Variants in ADK observed in about 807,000 individuals in gnomAD.
ADK encodes the protein adenosine kinase.
A neutral mutation model predicts 44.7 loss-of-function variants in ADK; 24 were observed. The ratio of observed to expected loss-of-function variants is 0.54; its 90% CI spans 0.39 to 0.76. The LOEUF (loss-of-function observed/expected upper bound fraction) is 0.76, where lower values mean the gene tolerates loss of function less well. Among genes scored for constraint, ADK ranks in the 30% least tolerant of loss-of-function variants. The pLI is 0.00. For missense variants in ADK, 321 were observed against 425.1 expected, an observed-to-expected ratio of 0.76 and a Z score of 2.15; for synonymous variants, 128 against 142.6, an observed-to-expected ratio of 0.90 and a Z score of 0.73.
At chr10:74,600,622 A>G in intron 9 of ADK, 129 bp downstream of exon 9, 1 of 285,512 alleles carries the variant, frequency 3.5e-6, no homozygotes, top group Non-Finnish European at 6.5e-6. Context: ...GAAATATTTT[A>G]TTTTAATAAA....
At chr10:74,567,683 T>G (rs1259180717) in intron 7 of ADK, among the ~76,000 whole-genome samples, 1 of 138,284 alleles carries the variant, frequency 7.2e-6, no homozygotes, top group Non-Finnish European at 1.5e-5. Context: ...CTCTCTCTGT[T>G]TTTTTTGTTT....
At chr10:74,461,571 C>T (rs944472247) in intron 6 of ADK, among the ~76,000 whole-genome samples, 11 of 152,018 alleles carry the variant, frequency 7.2e-5, no homozygotes, top group East Asian at 1.9e-4. Context: ...TTATAACTGA[C>T]GTAGAGCTTT....
intron 6 of ADK, among the ~76,000 whole-genome samples, chr10:74,446,245 G>C (rs1386148021): frequency 6.6e-6 from 1 of 151,938 alleles, no homozygotes; most frequent in African/African-American, 2.4e-5. Flanking sequence ...TGTAACCCTT[G>C]TTTAATTTAC....
At chr10:74,201,923 G>A (rs935938541) in intron 2 of ADK, among the ~76,000 whole-genome samples, 5 of 151,998 alleles carry the variant, frequency 3.3e-5, no homozygotes, top group African/African-American at 1.2e-4. Context: ...TTAAAAAATT[G>A]AGGCAAAATT....
chr10:74,673,747 T>C (rs920819428), intron 10 of ADK, among the ~76,000 whole-genome samples: 1 of 152,018 alleles, frequency 6.6e-6, no homozygotes, highest in Non-Finnish European at 1.5e-5. Context: ...CCAGGATAAA[T>C]GAGGTCACAC....
At chr10:74,334,705 A>G (rs1010535304) in intron 4 of ADK, among the ~76,000 whole-genome samples, 2 of 152,016 alleles carry the variant, frequency 1.3e-5, no homozygotes, top group Non-Finnish European at 2.9e-5. Flanking sequence ...CCAACAACCT[A>G]TGAGTGATTT....
rs556862825 is a variant in ADK at position 74,214,709 on chromosome 10, C to G, written c.141-9829C>G. 2.6e-5 allele frequency among the ~76,000 whole-genome samples: 4 copies of G among 152,328 alleles called. No homozygotes were observed. In the South Asian group the frequency reaches 8.3e-4, roughly 32 times the overall value. ...TTTGTTTCAGTCTCATTAAAAGGCT[C>G]TTATAAAAGTTATGAACATTTAAAA... On this transcript the variant is annotated intron_variant, in intron 2 of 10. Coordinates refer to ENST00000539909, the MANE Select transcript of ADK (RefSeq NM_006721.4).
intron 7 of ADK, among the ~76,000 whole-genome samples, chr10:74,560,372 A>T (rs1057294143): frequency 3.9e-5 from 6 of 152,244 alleles, no homozygotes; most frequent in Non-Finnish European, 8.8e-5. Context: ...TAATTTATGC[A>T]TTCATTCACT....
chr10:74,564,020 T>G (rs1258161929), intron 7 of ADK, among the ~76,000 whole-genome samples: 1 of 152,006 alleles, frequency 6.6e-6, no homozygotes, highest in African/African-American at 2.4e-5. Flanking sequence ...ATTAGGTATA[T>G]CTCCCAATGC....
chr10:74,480,037 A>G (rs1191775806), intron 6 of ADK, among the ~76,000 whole-genome samples: 1 of 152,100 alleles, frequency 6.6e-6, no homozygotes, highest in African/African-American at 2.4e-5. Context: ...TTCTCAGGAA[A>G]GGCGTATGTG....
intron 8 of ADK, among the ~76,000 whole-genome samples, chr10:74,597,037 G>A (rs561984068): frequency 1.5e-4 from 23 of 152,136 alleles, no homozygotes; most frequent in Admixed American, 5.9e-4. Flanking sequence ...CATCTTCTTC[G>A]TTATAGATAC....
At chr10:74,505,664 G>A (rs1848044061) in intron 6 of ADK, among the ~76,000 whole-genome samples, 1 of 151,608 alleles carries the variant, frequency 6.6e-6, no homozygotes, top group Non-Finnish European at 1.5e-5. Flanking sequence ...TGGCTTTCAT[G>A]GCTACTTTTG....
At chr10:74,513,575 T>C (rs1848435111) in intron 6 of ADK, among the ~76,000 whole-genome samples, 1 of 152,212 alleles carries the variant, frequency 6.6e-6, no homozygotes, top group Non-Finnish European at 1.5e-5. Context: ...TTAGTTTCCA[T>C]TTGCACTGAA....
At chr10:74,699,781 T>TA in intron 10 of ADK, among the ~76,000 whole-genome samples, 1 of 152,270 alleles carries the variant, frequency 6.6e-6, no homozygotes, top group Non-Finnish European at 1.5e-5. Context: ...TAAAGATATA[T>TA]AAAAAGATGT....
chr10:74,558,889 G>T (rs1368485283), intron 7 of ADK, among the ~76,000 whole-genome samples: 1 of 152,138 alleles, frequency 6.6e-6, no homozygotes, highest in Non-Finnish European at 1.5e-5. Context: ...TGATGCTTCA[G>T]AGACAAGGGT....
At chr10:74,529,978 G>A (rs1473074188) in intron 7 of ADK, among the ~76,000 whole-genome samples, 2 of 152,010 alleles carry the variant, frequency 1.3e-5, no homozygotes, top group Non-Finnish European at 2.9e-5. Context: ...TTTAGATAAA[G>A]CTATATTTGC....
At chr10:74,690,179 GCTCT>G (rs1409468799) in intron 10 of ADK, among the ~76,000 whole-genome samples, 14 of 152,136 alleles carry the variant, frequency 9.2e-5, no homozygotes, top group African/African-American at 2.9e-4. Context: ...AGTTTGGTTG[GCTCT>G]CTATTTATTA....
intron 7 of ADK, among the ~76,000 whole-genome samples, chr10:74,549,506 C>T (rs1239286109): frequency 2.6e-5 from 4 of 152,282 alleles, no homozygotes; most frequent in East Asian, 3.9e-4. Context: ...ACAATCACCA[C>T]TCAGTGGCAG....
intron 3 of ADK, among the ~76,000 whole-genome samples, chr10:74,251,705 T>C (rs981401950): frequency 4.6e-5 from 7 of 152,256 alleles, no homozygotes; most frequent in Middle Eastern, 3.4e-3. Flanking sequence ...TTTTAACCAC[T>C]ATATTATTTG....
Sources: allele counts gnomAD v4.1 joint callset (sites outside exome capture counted in the v4.1 genomes callset), GRCh38; gene constraint gnomAD v4.1.1; transcripts MANE v1.5; gene names NCBI Gene and HGNC (gene_info 2026-07-23, HGNC 2026-07-21).